CAMTA1: variants seen among roughly 807,000 people sequenced by gnomAD.
CAMTA1 encodes calmodulin binding transcription activator 1, also known as calmodulin-binding transcription activator 1.
In CAMTA1, 27 loss-of-function variants were observed where a neutral mutation model predicts 170.9. That is an observed-to-expected ratio of 0.16 (90% confidence interval 0.12 to 0.22). The LOEUF (loss-of-function observed/expected upper bound fraction) is 0.22, where lower values mean the gene tolerates loss of function less well. CAMTA1 is among the 10% of genes least tolerant of loss of function. The probability of loss-of-function intolerance (pLI) is 1.00; values close to 1 mark genes in which losing one functional copy is unlikely to be tolerated. For missense variants in CAMTA1, 1,619 were observed against 2,217.2 expected (o/e 0.73, Z 5.42); for synonymous variants, 833 against 891.5 (o/e 0.93, Z 1.17).
intron 6 of CAMTA1, among the ~76,000 whole-genome samples, chr1:7,475,914 G>T (rs2093413078): frequency 6.6e-6 from 1 of 152,212 alleles, no homozygotes; most frequent in African/African-American, 2.4e-5. Flanking sequence ...CCAGGCCCAA[G>T]GTGCACACAT....
intron 4 of CAMTA1, among the ~76,000 whole-genome samples, chr1:7,148,148 C>A (rs150935253): frequency 6.7e-6 from 1 of 150,076 alleles, no homozygotes; most frequent in South Asian, 2.1e-4. Flanking sequence ...CATACACACA[C>A]GACACAAATG....
At chr1:6,804,327 T>C (rs922917487) in intron 1 of CAMTA1, among the ~76,000 whole-genome samples, 1 of 152,000 alleles carries the variant, frequency 6.6e-6, no homozygotes, top group Non-Finnish European at 1.5e-5. Context: ...CTGATTTGTT[T>C]TTTAATAATA....
At chr1:7,504,911 C>T (rs990864969) in intron 6 of CAMTA1, among the ~76,000 whole-genome samples, 3 of 152,350 alleles carry the variant, frequency 2.0e-5, no homozygotes, top group East Asian at 1.9e-4. Flanking sequence ...TTCAGTGTAG[C>T]GCACAGCCTC....
chr1:7,752,517 C>T lies in CAMTA1; in HGVS notation c.4942C>T (p.Arg1648Cys), dbSNP rs372954423. 8.1e-6 allele frequency: 13 copies of T among 1,607,708 alleles called. No individual in the cohort carries two copies. Among genetic ancestry groups the T allele is most frequent in the East Asian group, 4.5e-5 (2 of 44,868 alleles). The change falls in exon 21 of 23, where the codon CGC becomes TGC. Residue 1648 changes from arginine (R) to cysteine (C), a missense_variant. Arg to Cys is a radical substitution (Grantham distance 180). Around this residue, in one of 8 missense-constraint regions of CAMTA1, gnomAD observed 128 missense variants for 213.5 expected, o/e 0.60. Coordinates refer to ENST00000303635, the MANE Select transcript of CAMTA1 (RefSeq NM_015215.4). ...QAARKIMRFLRRCRHSPLVDH... is the reference protein window; with the variant it reads ...QAARKIMRFLCRCRHSPLVDH... ...TGCTCGAAAAATAATGAGGTTTCTT[C>T]GCCGCTGTCGCCACAGGTACACTAG... is the stretch of plus-strand genomic sequence containing the variant.
intron 6 of CAMTA1, among the ~76,000 whole-genome samples, chr1:7,639,910 G>A (rs2148929267): frequency 6.6e-6 from 1 of 152,316 alleles, no homozygotes; most frequent in South Asian, 2.1e-4. Context: ...AGAAGCGGGT[G>A]ACCATGCCTG....
intron 4 of CAMTA1, among the ~76,000 whole-genome samples, chr1:7,103,882 C>T (rs1558103309): frequency 6.7e-6 from 1 of 149,234 alleles, no homozygotes; most frequent in African/African-American, 2.5e-5. Flanking sequence ...CAACTACACA[C>T]ATGTACACAC....
rs1699604018 is a variant in CAMTA1 at position 7,010,307 on chromosome 1, C to A, written c.235-80997C>A. 6.6e-6 allele frequency among the ~76,000 whole-genome samples: 1 copy of A among 152,174 alleles called. No individual in the cohort carries two copies. ...CCTGGGCCGCCCCCTCACTCGGCGT[C>A]CAGTGCTCAGGCCTCTGGGCTCTCT... On this transcript the variant is annotated intron_variant, in intron 3 of 22. Coordinates refer to ENST00000303635, the MANE Select transcript of CAMTA1 (RefSeq NM_015215.4). This position sits in a 1 kb window ranked among gnomAD's most constrained non-coding sequence, Gnocchi z 4.4.
intron 3 of CAMTA1, among the ~76,000 whole-genome samples, chr1:6,854,281 CA>C (rs1175290946): frequency 6.6e-6 from 1 of 152,166 alleles, no homozygotes; most frequent in Non-Finnish European, 1.5e-5. Context: ...TATCGTGTCA[CA>C]GTTGCTTGCA....
At chr1:7,365,208 G>C (rs2085870431) in intron 5 of CAMTA1, among the ~76,000 whole-genome samples, 1 of 119,118 alleles carries the variant, frequency 8.4e-6, no homozygotes, top group Non-Finnish European at 1.8e-5. Context: ...GGAGGCCTTT[G>C]AGCAGCAAGC....
intron 3 of CAMTA1, among the ~76,000 whole-genome samples, chr1:6,991,430 G>A (rs1696354116): frequency 6.6e-6 from 1 of 152,196 alleles, no homozygotes; most frequent in African/African-American, 2.4e-5. Context: ...TCTGATGGGT[G>A]AACAGTGGGA....
At chr1:7,032,245 G>A (rs1463110507) in intron 3 of CAMTA1, among the ~76,000 whole-genome samples, 2 of 152,164 alleles carry the variant, frequency 1.3e-5, no homozygotes, top group South Asian at 2.1e-4. Context: ...GATTATAGGC[G>A]TGAGCCACTG....
chr1:7,012,750 C>G (rs1269417166), intron 3 of CAMTA1, among the ~76,000 whole-genome samples: 1 of 152,206 alleles, frequency 6.6e-6, no homozygotes, highest in Non-Finnish European at 1.5e-5. Flanking sequence ...TTTCCCCCCA[C>G]TCTGAATTCT....
chr1:7,730,303 G>A (rs903879697), intron 11 of CAMTA1, among the ~76,000 whole-genome samples: 2 of 152,096 alleles, frequency 1.3e-5, no homozygotes, highest in Admixed American at 6.6e-5. Flanking sequence ...CGTCTCCTGC[G>A]TCTCCTGCTC....
Position 7,146,200 on chromosome 1 carries a change from C to G in CAMTA1, c.302+54829C>G, listed in dbSNP as rs560399578. On this transcript the variant is annotated intron_variant, in intron 4 of 22. Transcript: ENST00000303635. This position sits in a 1 kb window ranked among gnomAD's most constrained non-coding sequence, Gnocchi z 4.3. ...TGCTTATTCCAGAAATTGCCGTGGG[C>G]CTGCAATCCTGCTTGCAACACCCCT... Among the ~76,000 whole-genome samples, 1 of 151,954 alleles carries G rather than the reference C, an allele frequency of 6.6e-6. No individual in the cohort carries two copies. Among genetic ancestry groups the G allele is most frequent in the African/African-American group, 2.4e-5 (1 of 41,352 alleles).
chr1:7,087,974 G>T (rs1350903184), intron 3 of CAMTA1, among the ~76,000 whole-genome samples: 1 of 152,220 alleles, frequency 6.6e-6, no homozygotes, highest in Non-Finnish European at 1.5e-5. Context: ...GCTCACCTGT[G>T]GTCTGCCCAT....
rs530073510 is a variant in CAMTA1, at chr1:7,309,590, C to T, written c.438+59964C>T. 5.9e-5 allele frequency among the ~76,000 whole-genome samples: 9 copies of T among 152,160 alleles called. No homozygotes were observed. In the East Asian group the frequency reaches 7.7e-4, roughly 13 times the overall value. On this transcript the variant is annotated intron_variant, in intron 5 of 22. Coordinates refer to ENST00000303635, the MANE Select transcript of CAMTA1 (RefSeq NM_015215.4). Reference sequence around the variant, plus strand: ...CTGGGATTACAGGCGTGAGCCGCCGCGCCCGGCCTGAAAACTTTTATTCCT... The same window carrying T: ...CTGGGATTACAGGCGTGAGCCGCCGTGCCCGGCCTGAAAACTTTTATTCCT...
chr1:6,842,493 G>GTA (rs1271135570), intron 3 of CAMTA1, among the ~76,000 whole-genome samples: 5 of 152,314 alleles, frequency 3.3e-5, no homozygotes, highest in East Asian at 1.9e-4. Flanking sequence ...CAGGGATAGG[G>GTA]CCCAAACTGA....
chr1:7,475,293 C>T (rs2093402772), intron 6 of CAMTA1, among the ~76,000 whole-genome samples: 1 of 152,168 alleles, frequency 6.6e-6, no homozygotes, highest in Non-Finnish European at 1.5e-5. Flanking sequence ...CTACTGCCAT[C>T]TATCGCTGGG....
chr1:7,503,041 C>A (rs907339698), intron 6 of CAMTA1, among the ~76,000 whole-genome samples: 1 of 152,204 alleles, frequency 6.6e-6, no homozygotes, highest in Non-Finnish European at 1.5e-5. Flanking sequence ...CGGGGCCTGG[C>A]ACACAGAGTG....
Sources: gnomAD v4.1 joint callset for allele counts (sites outside exome capture counted in the v4.1 genomes callset) on GRCh38, gnomAD v4.1.1 for gene constraint, gnomAD v4.1.1 regional missense constraint, Gnocchi (gnomAD v3.1) non-coding constraint, MANE v1.5 for transcripts, NCBI Gene and HGNC (gene_info 2026-07-23, HGNC 2026-07-21) for gene names.